Variants in ENTPD1 observed in about 807,000 individuals in gnomAD.
The protein encoded by ENTPD1 is ectonucleoside triphosphate diphosphohydrolase 1.
ENTPD1 carries 33 observed loss-of-function variants against 57.0 expected under a neutral mutation model. That is an observed-to-expected ratio of 0.58 (90% confidence interval 0.44 to 0.77). The LOEUF is 0.77. Ranked by LOEUF, ENTPD1 falls within the 30% of genes least tolerant of loss-of-function variation. The pLI is 0.00. For synonymous variants in ENTPD1, 202 were observed against 218.8 expected (o/e 0.92, Z 0.68); for missense variants, 501 against 603.4 (o/e 0.83, Z 1.78).
intron 7 of ENTPD1, among the ~76,000 whole-genome samples, chr10:95,855,851 T>C (rs1566244270): frequency 6.6e-6 from 1 of 152,212 alleles, no homozygotes; most frequent in Non-Finnish European, 1.5e-5. Context: ...CCGACCTTTC[T>C]CTCTGGCTGC....
At position 95,867,288 on chromosome 10, in the gene ENTPD1, C is replaced by T. The variant is rs939207125; in HGVS notation, c.*905C>T. 1.1e-4 allele frequency: 106 copies of T among 977,944 alleles called. No individual in the cohort carries two copies. Among genetic ancestry groups the T allele is most frequent in the Non-Finnish European group, 1.2e-4 (101 of 823,254 alleles). The allele number at this position is 977,944 out of a possible 1,614,324, so 60.6% of individuals were successfully genotyped here. ...ACGTACAAATCAGTGACATTTAGTACATTCACAGTGTTGTGCCACCATCAC... is the reference window on the plus strand; with the variant it reads ...ACGTACAAATCAGTGACATTTAGTATATTCACAGTGTTGTGCCACCATCAC... On this transcript the variant is annotated 3_prime_UTR_variant, in exon 10 of 10. Coordinates refer to ENST00000371205, the MANE Select transcript of ENTPD1 (RefSeq NM_001776.6).
chr10:95,732,113 A>G (rs1037735007), intron 1 of ENTPD1, among the ~76,000 whole-genome samples: 2 of 152,060 alleles, frequency 1.3e-5, no homozygotes, highest in Non-Finnish European at 2.9e-5. Context: ...ACTGCAACAG[A>G]GGCATGCTTC....
chr10:95,836,410 T>C (rs890389190), intron 2 of ENTPD1, among the ~76,000 whole-genome samples: 5 of 152,168 alleles, frequency 3.3e-5, no homozygotes, highest in Admixed American at 6.5e-5. Flanking sequence ...TAAATAAAAA[T>C]AAAAGTGATA....
intron 1 of ENTPD1, among the ~76,000 whole-genome samples, chr10:95,790,300 G>T (rs996268810): frequency 1.3e-5 from 2 of 151,996 alleles, no homozygotes; most frequent in Non-Finnish European, 2.9e-5. Flanking sequence ...TTACTTTATT[G>T]TAAGAATACA....
At chr10:95,771,268 C>T (rs2098115045) in intron 1 of ENTPD1, among the ~76,000 whole-genome samples, 1 of 152,132 alleles carries the variant, frequency 6.6e-6, no homozygotes, top group Non-Finnish European at 1.5e-5. Flanking sequence ...CTTCCAGTTA[C>T]TTTCCAAATT....
chr10:95,834,973 AT>A (rs1324988538), intron 2 of ENTPD1, among the ~76,000 whole-genome samples: 1 of 152,144 alleles, frequency 6.6e-6, no homozygotes, highest in East Asian at 1.9e-4. Context: ...CATGGGGCAC[AT>A]GTGCATATTT....
intron 1 of ENTPD1, among the ~76,000 whole-genome samples, chr10:95,808,059 A>G (rs75731046): frequency 4.6e-5 from 7 of 152,202 alleles, no homozygotes; most frequent in Non-Finnish European, 7.4e-5. Context: ...TGGGTTTGTC[A>G]TAGATGGCTC....
chr10:95,845,089 G>C (rs950560872), intron 5 of ENTPD1, among the ~76,000 whole-genome samples: 5 of 152,192 alleles, frequency 3.3e-5, no homozygotes, highest in Non-Finnish European at 7.3e-5. Flanking sequence ...AAGCGACTGA[G>C]TGAGAATTTG....
intron 1 of ENTPD1, among the ~76,000 whole-genome samples, chr10:95,786,016 A>G (rs2098178250): frequency 6.6e-6 from 1 of 152,150 alleles, no homozygotes; most frequent in Non-Finnish European, 1.5e-5. Flanking sequence ...GGAAGGAGAC[A>G]AGAGTGGGCA....
rs1001665338 is a variant in ENTPD1, at chr10:95,872,372, CCTACACTACA to C, written c.*5998_*6007del. 1.0e-5 allele frequency: 10 copies of C among 985,312 alleles called. No individual in the cohort carries two copies. In the Admixed American group the frequency reaches 5.5e-4, roughly 55 times the overall value. The allele number at this position is 985,312 out of a possible 1,614,324, so 61.0% of individuals were successfully genotyped here. On this transcript the variant is annotated 3_prime_UTR_variant, in exon 10 of 10. Coordinates refer to ENST00000371205, the MANE Select transcript of ENTPD1 (RefSeq NM_001776.6). ...ATCCCACTCCACTCCTCTGATGTTT[CCTACACTACA>C]CTACACTATACTACACTACAGCCAG...
chr10:95,849,443 G>T (rs2098441102), intron 7 of ENTPD1, among the ~76,000 whole-genome samples: 1 of 152,182 alleles, frequency 6.6e-6, no homozygotes, highest in Non-Finnish European at 1.5e-5. Context: ...GGGAGGTTCA[G>T]CTCCTCCCCT....
chr10:95,866,807 T>C lies in ENTPD1; in HGVS notation c.*424T>C. On this transcript the variant is annotated 3_prime_UTR_variant, in exon 10 of 10. Coordinates refer to ENST00000371205, the MANE Select transcript of ENTPD1 (RefSeq NM_001776.6). ...TGTACTCTTTAAGAACCCCTTTCTCTCTCCTGTTTGCCATCCATTAAGAAA... is the reference window on the plus strand; with the variant it reads ...TGTACTCTTTAAGAACCCCTTTCTCCCTCCTGTTTGCCATCCATTAAGAAA... 9.5e-7 allele frequency: 1 copy of C among 1,049,320 alleles called. No homozygotes were observed. 65.0% of individuals were successfully genotyped at this position (1,049,320 alleles called of 1,614,324 possible).
At chr10:95,807,442 A>C (rs570923421) in intron 1 of ENTPD1, among the ~76,000 whole-genome samples, 1 of 152,352 alleles carries the variant, frequency 6.6e-6, no homozygotes, top group African/African-American at 2.4e-5. Flanking sequence ...GGAAAGGGAA[A>C]TCCCCCAACC....
At chr10:95,827,180 G>A (rs1169174908) in intron 2 of ENTPD1, among the ~76,000 whole-genome samples, 8 of 152,058 alleles carry the variant, frequency 5.3e-5, no homozygotes, top group South Asian at 2.1e-4. Context: ...TTGGCTGGGC[G>A]CGGTGGCTCA....
At chr10:95,743,060 G>T (rs897699574) in intron 1 of ENTPD1, among the ~76,000 whole-genome samples, 1 of 152,134 alleles carries the variant, frequency 6.6e-6, no homozygotes, top group Non-Finnish European at 1.5e-5. Flanking sequence ...TTTACCCAAT[G>T]TTCTTTTCTG....
chr10:95,870,625 G>T lies in ENTPD1; in HGVS notation c.*4242G>T, dbSNP rs2098479353. ...CACAGAACAAAGTTTGCCACATAAT[G>T]ATAAAATTACTATGAAAATATATTC... On this transcript the variant is annotated 3_prime_UTR_variant, in exon 10 of 10. Transcript: ENST00000371205. 1 of 985,312 alleles carries T rather than the reference G, an allele frequency of 1.0e-6. No homozygotes were observed. Among genetic ancestry groups the T allele is most frequent in the African/African-American group, 1.7e-5 (1 of 57,246 alleles). 61.0% of individuals were successfully genotyped at this position (985,312 alleles called of 1,614,324 possible).
At chr10:95,841,288 G>A (rs770770668) in intron 3 of ENTPD1, among the ~76,000 whole-genome samples, 18 of 152,126 alleles carry the variant, frequency 1.2e-4, no homozygotes, top group Non-Finnish European at 2.5e-4. Context: ...TAGGGTGGCT[G>A]AGGCAGGAGA....
rs2098433098 is a variant in ENTPD1, at chr10:95,845,379, T to A, written c.596T>A (p.Val199Asp). The change falls in exon 6 of 10, where the codon GTC (valine) becomes GAC (aspartate). Residue 199 changes from valine (V) to aspartate (D), a missense_variant. Coordinates refer to ENST00000371205, the MANE Select transcript of ENTPD1 (RefSeq NM_001776.6). ...FSQKTRWFSIVPYETNNQETF... is the reference protein window; with the variant it reads ...FSQKTRWFSIDPYETNNQETF... ...CAGAAAACAAGGTGGTTCAGCATAG[T>A]CCCATATGAAACCAATAATCAGGAA... The A allele has an allele frequency of 1.2e-6, 2 of 1,614,174 alleles. No individual in the cohort carries two copies. The highest frequency in any genetic ancestry group is 1.7e-6 in the Non-Finnish European group (2 of 1,180,038).
In ENTPD1 at chr10:95,866,562, T is replaced by C; in HGVS notation, c.*179T>C. 1.4e-6 allele frequency: 2 copies of C among 1,470,804 alleles called. No homozygotes were observed. Among genetic ancestry groups the C allele is most frequent in the Non-Finnish European group, 1.8e-6 (2 of 1,115,656 alleles). The allele number at this position is 1,470,804 out of a possible 1,614,324, so 91.1% of individuals were successfully genotyped here. A position where few individuals can be genotyped will look rare whatever the true frequency, so the allele number is the denominator to read the frequency against. On this transcript the variant is annotated 3_prime_UTR_variant, in exon 10 of 10. Coordinates refer to ENST00000371205, the MANE Select transcript of ENTPD1 (RefSeq NM_001776.6). ...TTGGAGGTATTCAATATCCTTTGCC[T>C]CAAGGACTTCGGCAGATACTGTCTC... is the stretch of plus-strand genomic sequence containing the variant.
Sources: allele counts gnomAD v4.1 joint callset (sites outside exome capture counted in the v4.1 genomes callset), GRCh38; gene constraint gnomAD v4.1.1; transcripts MANE v1.5; gene names NCBI Gene and HGNC (gene_info 2026-07-23, HGNC 2026-07-21).